TMEM273: variants seen among roughly 807,000 people sequenced by gnomAD.
The protein encoded by TMEM273 is transmembrane protein 273.
TMEM273 carries 19 observed loss-of-function variants against 17.9 expected under a neutral mutation model. That is an observed-to-expected ratio of 1.06 (90% CI 0.74 to 1.55). TMEM273 has a LOEUF of 1.55. Among genes scored for constraint, TMEM273 ranks in the 40% most tolerant of loss-of-function variants. The pLI is 0.00. For missense variants in TMEM273, 194 were observed against 155.6 expected (o/e 1.25, Z -1.31); for synonymous variants, 66 against 62.0 (o/e 1.07, Z -0.31).
At chr10:49,175,664 G>T (rs1846905187) in intron 1 of TMEM273, among the ~76,000 whole-genome samples, 2 of 152,256 alleles carry the variant, frequency 1.3e-5, no homozygotes, top group Non-Finnish European at 2.9e-5. Context: ...GAGGCGGAGA[G>T]CTGGCCTGGG....
chr10:49,174,762 A>G (rs1012384450), intron 1 of TMEM273, among the ~76,000 whole-genome samples: 2 of 152,184 alleles, frequency 1.3e-5, no homozygotes, highest in Admixed American at 1.3e-4. Context: ...CTTGATTTCC[A>G]TGGACCGCCC....
At chr10:49,160,296 T>C (rs897504079) in intron 6 of TMEM273, 3 of 152,188 alleles carry the variant, frequency 2.0e-5, no homozygotes, top group African/African-American at 7.2e-5. Context: ...AAACGAAGCA[T>C]CACCAACAGT....
At chr10:49,177,351 G>C (rs537468082) in intron 1 of TMEM273, among the ~76,000 whole-genome samples, 1 of 152,152 alleles carries the variant, frequency 6.6e-6, no homozygotes, top group African/African-American at 2.4e-5. Flanking sequence ...TCCCTGATTC[G>C]GGTCCTCACT....
In TMEM273 at chr10:49,154,753, T is replaced by A. The variant is rs1449162496; in HGVS notation, c.*1139A>T. 6.6e-6 allele frequency: 1 copy of A among 152,248 alleles called. No individual in the cohort carries two copies. The highest frequency in any genetic ancestry group is 6.5e-5 in the Admixed American group (1 of 15,290). 9.4% of individuals were successfully genotyped at this position (152,248 alleles called of 1,614,324 possible). On this transcript the variant is annotated 3_prime_UTR_variant, in exon 7 of 7. Transcript: ENST00000374153. Reference sequence around the variant, plus strand: ...TTAGCAGATCCCATACAAGATGGTTTATTTTATCCTACACACAGAAAATTG... The same window carrying A: ...TTAGCAGATCCCATACAAGATGGTTAATTTTATCCTACACACAGAAAATTG...
chr10:49,163,678 G>A (rs935491409), intron 5 of TMEM273, among the ~76,000 whole-genome samples: 1 of 152,160 alleles, frequency 6.6e-6, no homozygotes, highest in Non-Finnish European at 1.5e-5. Context: ...CTTGGGGTGG[G>A]GGGATGACAT....
intron 1 of TMEM273, among the ~76,000 whole-genome samples, chr10:49,177,803 C>T (rs1284064970): frequency 1.3e-5 from 2 of 152,236 alleles, no homozygotes; most frequent in Non-Finnish European, 2.9e-5. Context: ...TGCCACACAG[C>T]CCTGGCCTTG....
At chr10:49,172,583 T>A (rs1450764201) in intron 1 of TMEM273, among the ~76,000 whole-genome samples, 1 of 152,302 alleles carries the variant, frequency 6.6e-6, no homozygotes, top group African/African-American at 2.4e-5. Flanking sequence ...GACTTCACTA[T>A]GACCTCATGA....
At chr10:49,183,766 G>A (rs1590256374) in intron 1 of TMEM273, among the ~76,000 whole-genome samples, 1 of 152,180 alleles carries the variant, frequency 6.6e-6, no homozygotes, top group African/African-American at 2.4e-5. Flanking sequence ...CAGGGTCCAC[G>A]TGGGAGTGCT....
At chr10:49,178,665 G>A (rs186216348) in intron 1 of TMEM273, among the ~76,000 whole-genome samples, 16 of 152,240 alleles carry the variant, frequency 1.1e-4, no homozygotes, top group African/African-American at 3.8e-4. Flanking sequence ...AGAGATGTAC[G>A]CAATTAGCAT....
intron 1 of TMEM273, among the ~76,000 whole-genome samples, chr10:49,176,132 A>G (rs1590231618): frequency 6.6e-6 from 1 of 152,226 alleles, no homozygotes; most frequent in African/African-American, 2.4e-5. Context: ...GCATGGCTGG[A>G]CAAGTCCCCG....
rs968347907 is a variant in TMEM273 at position 49,159,586 on chromosome 10, G to A, written c.372+2013C>T. 3.9e-5 allele frequency among the ~76,000 whole-genome samples: 6 copies of A among 152,186 alleles called. No homozygotes were observed. The South Asian group carries it at 1.2e-3, about 32-fold the overall frequency. On this transcript the variant is annotated intron_variant, in intron 6 of 6. Coordinates refer to ENST00000374153, the MANE Select transcript of TMEM273 (RefSeq NM_001288740.3). ...AGTGTGTAATTTAAATGCACGTTTCGTGACTCTGCCCATTGAAAGGGCCTA... is the reference window on the plus strand; with the variant it reads ...AGTGTGTAATTTAAATGCACGTTTCATGACTCTGCCCATTGAAAGGGCCTA...
At position 49,181,827 on chromosome 10, in the gene TMEM273, AAAG is replaced by A. The variant is rs1847359007; in HGVS notation, c.43+6464_43+6466del. On this transcript the variant is annotated intron_variant, in intron 1 of 6. Coordinates refer to ENST00000374153, the MANE Select transcript of TMEM273 (RefSeq NM_001288740.3). ...TATCAAAAGCACAGTCCACGAAAAA[AAAG>A]ATTAATAAGTTAGGCAATTAAAATT... Among the ~76,000 whole-genome samples the A allele has an allele frequency of 3.7e-5, 5 of 135,294 alleles. No individual in the cohort carries two copies. In the South Asian group the frequency reaches 1.4e-3, roughly 37 times the overall value. 88.8% of individuals were successfully genotyped at this position (135,294 alleles called of 152,430 possible). A position where few individuals can be genotyped will look rare whatever the true frequency, so the allele number is the denominator to read the frequency against.
chr10:49,185,578 G>T (rs536869021), intron 1 of TMEM273, among the ~76,000 whole-genome samples: 2 of 152,242 alleles, frequency 1.3e-5, no homozygotes, highest in Admixed American at 1.3e-4. Context: ...TGTCATATTC[G>T]CTTTTTGTTC....
chr10:49,183,353 T>TTTG (rs1554849166), intron 1 of TMEM273, among the ~76,000 whole-genome samples: 1 of 148,742 alleles, frequency 6.7e-6, no homozygotes, highest in Non-Finnish European at 1.5e-5. Flanking sequence ...AGGAAACAAA[T>TTTG]TGTGTGTGTG....
At chr10:49,165,346 C>A (rs1846104672) in intron 4 of TMEM273, 63 bp from the exon 5 acceptor site, 1 of 1,549,862 alleles carries the variant, frequency 6.5e-7, no homozygotes, top group Admixed American at 2.0e-5. Flanking sequence ...CAGGACCGTC[C>A]CTGAGGACGT....
chr10:49,183,226 T>C (rs1847457814), intron 1 of TMEM273, among the ~76,000 whole-genome samples: 1 of 152,156 alleles, frequency 6.6e-6, no homozygotes, highest in Non-Finnish European at 1.5e-5. Context: ...TTGTCAACAT[T>C]AAATTTCCTA....
At chr10:49,174,764 G>A (rs1023820420) in intron 1 of TMEM273, among the ~76,000 whole-genome samples, 1 of 152,170 alleles carries the variant, frequency 6.6e-6, no homozygotes, top group Non-Finnish European at 1.5e-5. Context: ...TGATTTCCAT[G>A]GACCGCCCCC....
At chr10:49,165,642 T>C in intron 4 of TMEM273, 124 bp downstream of exon 4, 2 of 1,429,470 alleles carry the variant, frequency 1.4e-6, no homozygotes, top group South Asian at 2.5e-5. Context: ...ACGAGGTGCA[T>C]TCTAGTCACC....
chr10:49,183,521 A>T (rs192194483), intron 1 of TMEM273, among the ~76,000 whole-genome samples: 94 of 152,324 alleles, frequency 6.2e-4, no homozygotes, highest in African/African-American at 2.2e-3. Context: ...AAATAAAAAA[A>T]TTTTTTAAAA....
Sources: allele counts gnomAD v4.1 joint callset (sites outside exome capture counted in the v4.1 genomes callset), GRCh38; gene constraint gnomAD v4.1.1; transcripts MANE v1.5; gene names NCBI Gene and HGNC (gene_info 2026-07-23, HGNC 2026-07-21).